APBB2: variants seen among roughly 807,000 people sequenced by gnomAD.
APBB2 encodes the protein amyloid beta precursor protein binding family B member 2, also known as Fe65-like 1.
APBB2 carries 38 observed loss-of-function variants against 82.5 expected under a neutral mutation model. The observed-to-expected ratio is 0.46, with a 90% CI of 0.36 to 0.60. The LOEUF is 0.60. APBB2 is among the 20% of genes least tolerant of loss of function. APBB2 has a pLI of 0.00. For missense variants in APBB2, 772 were observed against 972.3 expected (o/e 0.79, Z 2.74); for synonymous variants, 341 against 368.2 (o/e 0.93, Z 0.85).
intron 12 of APBB2, among the ~76,000 whole-genome samples, chr4:40,837,411 C>T (rs906729903): frequency 6.6e-6 from 1 of 152,260 alleles, no homozygotes; most frequent in African/African-American, 2.4e-5. Context: ...GAGCCATACT[C>T]ATTAACCGGG....
At chr4:41,203,466 T>C (rs1456043369) in intron 1 of APBB2, among the ~76,000 whole-genome samples, 2 of 152,200 alleles carry the variant, frequency 1.3e-5, no homozygotes, top group Non-Finnish European at 2.9e-5. Flanking sequence ...TTAGTTTTGT[T>C]TCACCCCATT....
chr4:40,811,286 G>A lies in APBB2; in HGVS notation c.*4806C>T, dbSNP rs890937922. 5.9e-5 allele frequency: 9 copies of A among 152,186 alleles called. No homozygotes were observed. The highest frequency in any genetic ancestry group is 1.3e-4 in the Non-Finnish European group (9 of 68,040). The allele number at this position is 152,186 out of a possible 1,614,324, so 9.4% of individuals were successfully genotyped here. On this transcript the variant is annotated 3_prime_UTR_variant, in exon 18 of 18. Transcript: ENST00000508593. ...GAATTTTGGATAAAAGCAATATGAG[G>A]CCGGACGTGGTGGCTCACATACTTT... is the stretch of plus-strand genomic sequence containing the variant.
chr4:40,859,677 C>T (rs939310605), intron 12 of APBB2, among the ~76,000 whole-genome samples: 1 of 152,248 alleles, frequency 6.6e-6, no homozygotes, highest in Admixed American at 6.5e-5. Flanking sequence ...CACACAGTGG[C>T]TTCCCACTGC....
At chr4:41,049,465 G>A (rs1725038481) in intron 4 of APBB2, among the ~76,000 whole-genome samples, 1 of 147,746 alleles carries the variant, frequency 6.8e-6, no homozygotes. Context: ...AGGGAGGTGG[G>A]GGGCAGCCCC....
Position 40,946,937 on chromosome 4 carries a change from G to A in APBB2, c.836-1864C>T, listed in dbSNP as rs536846774. ...GAAGACTGTGGCCACGGATGTGCAT[G>A]CATGCAGTCACTTTCCTCATTTAAA... On this transcript the variant is annotated intron_variant, in intron 6 of 17. Coordinates refer to ENST00000508593, the MANE Select transcript of APBB2 (RefSeq NM_004307.2). Among the ~76,000 whole-genome samples, 5 of 152,322 alleles carry A rather than the reference G, an allele frequency of 3.3e-5. No homozygotes were observed. In the East Asian group the frequency reaches 9.6e-4, roughly 29 times the overall value.
intron 12 of APBB2, among the ~76,000 whole-genome samples, chr4:40,837,256 C>G (rs1009150276): frequency 6.6e-6 from 1 of 152,228 alleles, no homozygotes. Context: ...GTAGCCAGCT[C>G]TGTTGCTGCA....
intron 6 of APBB2, among the ~76,000 whole-genome samples, chr4:40,982,052 GC>G (rs1798611284): frequency 6.6e-6 from 1 of 151,270 alleles, no homozygotes; most frequent in Admixed American, 6.6e-5. Context: ...GGGCGTGGTA[GC>G]ACATGCCTGT....
At chr4:41,065,411 CT>C (rs1378782858) in intron 4 of APBB2, among the ~76,000 whole-genome samples, 164 bp downstream of exon 4, 1 of 152,218 alleles carries the variant, frequency 6.6e-6, no homozygotes, top group Admixed American at 6.5e-5. Flanking sequence ...GATAACATTT[CT>C]TACCATGCAA....
chr4:41,007,749 C>G (rs1296513602), intron 6 of APBB2, among the ~76,000 whole-genome samples: 3 of 152,174 alleles, frequency 2.0e-5, no homozygotes, highest in Non-Finnish European at 4.4e-5. Flanking sequence ...GTGAATCTAT[C>G]CATCCAACCA....
intron 6 of APBB2, among the ~76,000 whole-genome samples, chr4:40,976,579 C>A (rs1469847623): frequency 6.6e-6 from 1 of 152,180 alleles, no homozygotes; most frequent in East Asian, 1.9e-4. Context: ...AGAGATTAAA[C>A]AGCAGTTAAA....
intron 12 of APBB2, among the ~76,000 whole-genome samples, chr4:40,861,399 C>T (rs1244421198): frequency 1.3e-5 from 2 of 151,594 alleles, no homozygotes; most frequent in East Asian, 1.9e-4. Context: ...TGGTGGCTTG[C>T]ACCTGTTGTC....
chr4:40,825,020 C>T (rs1291556152), intron 15 of APBB2, among the ~76,000 whole-genome samples: 2 of 152,188 alleles, frequency 1.3e-5, no homozygotes, highest in Non-Finnish European at 2.9e-5. Context: ...AGGCTTCATC[C>T]ACGCTACAGC....
chr4:41,137,626 T>C (rs1044672263), intron 2 of APBB2, among the ~76,000 whole-genome samples: 5 of 152,114 alleles, frequency 3.3e-5, no homozygotes, highest in African/African-American at 9.7e-5. Context: ...AAAAATTGCA[T>C]TGCAAAAACC....
chr4:40,952,394 G>A (rs568618888), intron 6 of APBB2, among the ~76,000 whole-genome samples: 14 of 152,006 alleles, frequency 9.2e-5, no homozygotes, highest in Non-Finnish European at 1.5e-4. Flanking sequence ...ACTGTGACAA[G>A]ACATCTTCTC....
chr4:41,107,400 G>T (rs1009353844), intron 2 of APBB2, among the ~76,000 whole-genome samples: 2 of 152,136 alleles, frequency 1.3e-5, no homozygotes, highest in Non-Finnish European at 2.9e-5. Context: ...AATAATGGGG[G>T]AAACTCTTCT....
intron 10 of APBB2, among the ~76,000 whole-genome samples, chr4:40,925,180 C>T (rs1782307878): frequency 6.6e-6 from 1 of 152,208 alleles, no homozygotes; most frequent in Non-Finnish European, 1.5e-5. Flanking sequence ...TTGCTTGTTT[C>T]TTCTCCATTA....
intron 1 of APBB2, among the ~76,000 whole-genome samples, chr4:41,147,286 C>T (rs553347712): frequency 6.6e-6 from 1 of 152,156 alleles, no homozygotes; most frequent in Non-Finnish European, 1.5e-5. Context: ...TTAAAGCTTA[C>T]TGAAGTCACC....
chr4:40,899,330 T>G (rs572165211), intron 10 of APBB2, among the ~76,000 whole-genome samples: 39 of 152,306 alleles, frequency 2.6e-4, no homozygotes, highest in African/African-American at 9.4e-4. Context: ...TGGGCCCCCT[T>G]CTCTCCCATT....
chr4:40,830,309 G>C lies in APBB2; in HGVS notation c.1644+154C>G, dbSNP rs76635586. On this transcript the variant is annotated intron_variant, in intron 13 of 17. Coordinates refer to ENST00000508593, the MANE Select transcript of APBB2 (RefSeq NM_004307.2). ...ACTCAAGAGCGATGCCTGGCCCGCA[G>C]CAAGAATACTTTAATGACTCTGGCT... The C allele has an allele frequency of 1.6e-4, 100 of 610,644 alleles. No homozygotes were observed. The East Asian group carries it at 2.7e-3, about 17-fold the overall frequency. 37.8% of individuals were successfully genotyped at this position (610,644 alleles called of 1,614,324 possible).
Sources: gnomAD v4.1 joint callset for allele counts (sites outside exome capture counted in the v4.1 genomes callset) on GRCh38, gnomAD v4.1.1 for gene constraint, MANE v1.5 for transcripts, NCBI Gene and HGNC (gene_info 2026-07-23, HGNC 2026-07-21) for gene names.